Variants in PPP1R8 observed in about 807,000 individuals in gnomAD.
PPP1R8 encodes protein phosphatase 1 regulatory subunit 8, also known as nuclear inhibitor of protein phosphatase 1.
Under a neutral mutation model 31.3 loss-of-function variants are expected in PPP1R8, and 4 were observed. The ratio of observed to expected loss-of-function variants is 0.13; its 90% CI spans 0.06 to 0.29. The LOEUF (loss-of-function observed/expected upper bound fraction) is 0.29, where lower values mean the gene tolerates loss of function less well. Ranked by LOEUF, PPP1R8 falls within the 10% of genes least tolerant of loss-of-function variation. PPP1R8 has a pLI of 1.00. For synonymous variants in PPP1R8, 170 were observed against 169.7 expected, an observed-to-expected ratio of 1.00 and a Z score of -0.01; for missense variants, 254 against 440.1, an observed-to-expected ratio of 0.58 and a Z score of 3.78.
At chr1:27,848,696 T>A (rs1335021731) in intron 6 of PPP1R8, among the ~76,000 whole-genome samples, 1 of 152,210 alleles carries the variant, frequency 6.6e-6, no homozygotes, top group Admixed American at 6.5e-5. Context: ...GAGTATAGGA[T>A]TGAGCAGGAT....
Position 27,832,752 on chromosome 1 carries a change from T to C in PPP1R8, c.57-4T>C, listed in dbSNP as rs760986059. On this transcript the variant is annotated splice_region_variant and splice_polypyrimidine_tract_variant and intron_variant, in intron 1 of 6. Coordinates refer to ENST00000311772, the MANE Select transcript of PPP1R8 (RefSeq NM_014110.5). The stretch of plus-strand genomic sequence containing the variant: ...AAATGCTTTTTTCTATTTTTATTTT[T>C]CAGGGCAGGTAAGCCCCCTCCCGGT... 14 of 1,607,856 alleles carry C rather than the reference T, an allele frequency of 8.7e-6. No individual in the cohort carries two copies. The highest frequency in any genetic ancestry group is 1.2e-5 in the Non-Finnish European group (14 of 1,176,564).
intron 5 of PPP1R8, among the ~76,000 whole-genome samples, chr1:27,845,287 G>A (rs906435706): frequency 1.1e-4 from 16 of 151,144 alleles, no homozygotes; most frequent in Admixed American, 3.3e-4. Flanking sequence ...CTACTTGGGA[G>A]GTTGAGGCAG....
chr1:27,841,351 C>A, intron 4 of PPP1R8, 117 bp downstream of exon 4: 1 of 1,038,402 alleles, frequency 9.6e-7, no homozygotes, highest in Non-Finnish European at 1.4e-6. Flanking sequence ...CTCTTGAGTC[C>A]AGTAATGGGC....
chr1:27,849,226 C>T (rs2089315278), intron 6 of PPP1R8, among the ~76,000 whole-genome samples: 1 of 151,928 alleles, frequency 6.6e-6, no homozygotes, highest in Non-Finnish European at 1.5e-5. Context: ...ACAAAATTAG[C>T]CAGGCGTGGT....
At position 27,846,037 on chromosome 1, in the gene PPP1R8, A is replaced by G. The variant is rs1295148813; in HGVS notation, c.638-991A>G. 2.1e-3 allele frequency among the ~76,000 whole-genome samples: 315 copies of G among 151,218 alleles called. 1 individual carries two copies. Among genetic ancestry groups the G allele is most frequent in the African/African-American group, 7.3e-3 (299 of 41,014 alleles). ...GACCTCCTGACCTCATGATCTGCCC[A>G]CCTCGGCCTCCCAAAGTGCTGGGAT... On this transcript the variant is annotated intron_variant, in intron 5 of 6. Coordinates refer to ENST00000311772, the MANE Select transcript of PPP1R8 (RefSeq NM_014110.5).
At chr1:27,842,338 G>A (rs1331255291) in intron 4 of PPP1R8, among the ~76,000 whole-genome samples, 4 of 136,564 alleles carry the variant, frequency 2.9e-5, no homozygotes, top group Non-Finnish European at 4.6e-5. Flanking sequence ...GCGAAACTCC[G>A]TCTCAAAAAA....
intron 6 of PPP1R8, 23 bp from the exon 7 acceptor site, chr1:27,850,070 C>T: frequency 6.6e-7 from 1 of 1,526,532 alleles, no homozygotes; most frequent in Non-Finnish European, 8.8e-7. Context: ...CAATCTCTCC[C>T]CTCTCCTCAT....
chr1:27,839,044 G>A (rs146037251), intron 3 of PPP1R8, among the ~76,000 whole-genome samples, 192 bp downstream of exon 3: 1,740 of 152,240 alleles, frequency 0.011, 14 homozygotes, highest in Non-Finnish European at 0.018. Flanking sequence ...AGAGGGGTTT[G>A]GGGAGCACTG....
chr1:27,851,285 G>T lies in PPP1R8; in HGVS notation c.*839G>T. ...GAAAAGATTTGTTTGGAAGTAACTG[G>T]TGTCTCTAAGAGGAATTTTTAGATG... On this transcript the variant is annotated 3_prime_UTR_variant, in exon 7 of 7. Transcript: ENST00000311772. 3.3e-6 allele frequency: 1 copy of T among 301,626 alleles called. No homozygotes were observed. The highest frequency in any genetic ancestry group is 6.6e-6 in the Non-Finnish European group (1 of 151,080). 18.7% of individuals were successfully genotyped at this position (301,626 alleles called of 1,614,324 possible).
intron 6 of PPP1R8, among the ~76,000 whole-genome samples, chr1:27,848,456 C>G (rs1350948616): frequency 6.6e-6 from 1 of 152,134 alleles, no homozygotes; most frequent in Non-Finnish European, 1.5e-5. Context: ...CAGAGATGCT[C>G]CGATCGTTCA....
At chr1:27,843,354 CT>C in intron 5 of PPP1R8, 24 bp downstream of exon 5, 1 of 1,613,948 alleles carries the variant, frequency 6.2e-7, no homozygotes, top group Non-Finnish European at 8.5e-7. Context: ...CTAGTTTATT[CT>C]GATGAAAAAG....
intron 3 of PPP1R8, 146 bp from the exon 4 acceptor site, chr1:27,840,868 A>T (rs1571550625): frequency 5.2e-6 from 4 of 776,120 alleles, no homozygotes; most frequent in Non-Finnish European, 8.2e-6. Flanking sequence ...TGGCATTTTT[A>T]AAATAAATTA....
intron 5 of PPP1R8, among the ~76,000 whole-genome samples, chr1:27,845,512 T>G (rs1409961210): frequency 6.6e-6 from 1 of 151,996 alleles, no homozygotes; most frequent in African/African-American, 2.4e-5. Flanking sequence ...TGAGAGAAGT[T>G]TGGGATACCT....
At chr1:27,833,117 G>C (rs2089127887) in intron 2 of PPP1R8, among the ~76,000 whole-genome samples, 1 of 152,112 alleles carries the variant, frequency 6.6e-6, no homozygotes, top group Non-Finnish European at 1.5e-5. Flanking sequence ...CTGAGTACAT[G>C]GAGTTGTGTA....
At chr1:27,846,989 A>G (rs955400014) in intron 5 of PPP1R8, 39 bp from the exon 6 acceptor site, 8 of 1,573,206 alleles carry the variant, frequency 5.1e-6, no homozygotes, top group South Asian at 1.1e-5. Context: ...TCCTCCCAGT[A>G]AAGTACCAAC....
chr1:27,835,140 T>C (rs934606218), intron 2 of PPP1R8, among the ~76,000 whole-genome samples: 14 of 152,094 alleles, frequency 9.2e-5, no homozygotes, highest in Admixed American at 7.2e-4. Flanking sequence ...ATCTCTAGTA[T>C]GTCTTTTGGC....
intron 2 of PPP1R8, among the ~76,000 whole-genome samples, chr1:27,837,959 C>T (rs926544811): frequency 2.0e-5 from 3 of 152,032 alleles, no homozygotes; most frequent in African/African-American, 7.2e-5. Flanking sequence ...CGCCTGTAAT[C>T]CCAGCACTTT....
chr1:27,850,176 A>T lies in PPP1R8; in HGVS notation c.786A>T (p.Gly262=). Residue 262 remains glycine (G), a synonymous_variant, in exon 7 of 7, where the codon GGA becomes GGT. Transcript: ENST00000311772. ...RRMQNFAFSG[G]LYGGLPPTHS... Reference sequence around the variant, plus strand: ...TGCAGAACTTTGCCTTCAGCGGAGGACTCTACGGGGGCCTGCCCCCCACAC... The same window carrying T: ...TGCAGAACTTTGCCTTCAGCGGAGGTCTCTACGGGGGCCTGCCCCCCACAC... The T allele has an allele frequency of 6.2e-7, 1 of 1,613,740 alleles. No homozygotes were observed.
intron 5 of PPP1R8, among the ~76,000 whole-genome samples, chr1:27,844,518 C>T (rs1010605832): frequency 6.6e-6 from 1 of 150,786 alleles, no homozygotes; most frequent in African/African-American, 2.4e-5. Flanking sequence ...TTAGTAGAGA[C>T]GGGGTTTCAC....
Sources: gnomAD v4.1 joint callset for allele counts (sites outside exome capture counted in the v4.1 genomes callset) on GRCh38, gnomAD v4.1.1 for gene constraint, MANE v1.5 for transcripts, NCBI Gene and HGNC (gene_info 2026-07-23, HGNC 2026-07-21) for gene names.